The following ZNF385A variants were observed in gnomAD, a reference collection of about 807,000 sequenced individuals.
ZNF385A encodes the protein hematopoietic zinc finger protein.
Under a neutral mutation model 32.1 loss-of-function variants are expected in ZNF385A, and 14 were observed. The ratio of observed to expected loss-of-function variants is 0.44; its 90% CI spans 0.29 to 0.68. The LOEUF (loss-of-function observed/expected upper bound fraction) is 0.68, where lower values mean the gene tolerates loss of function less well. Among genes scored for constraint, ZNF385A ranks in the 30% least tolerant of loss-of-function variants. The probability of loss-of-function intolerance (pLI) is 0.14; values close to 1 mark genes in which losing one functional copy is unlikely to be tolerated. For missense variants in ZNF385A, 406 were observed against 478.4 expected, an observed-to-expected ratio of 0.85 and a Z score of 1.41; for synonymous variants, 197 against 202.7, an observed-to-expected ratio of 0.97 and a Z score of 0.24.
At chr12:54,377,326 C>T (rs944485812) in intron 1 of ZNF385A, among the ~76,000 whole-genome samples, 4 of 152,194 alleles carry the variant, frequency 2.6e-5, no homozygotes, top group African/African-American at 9.7e-5. Context: ...GTGTCAATCT[C>T]TTGGCCTACT....
chr12:54,376,487 AAC>A (rs1375497534), intron 1 of ZNF385A, among the ~76,000 whole-genome samples: 2 of 152,150 alleles, frequency 1.3e-5, no homozygotes, highest in Non-Finnish European at 2.9e-5. Flanking sequence ...TGGTCGCCCT[AAC>A]ACACACACTC....
intron 1 of ZNF385A, among the ~76,000 whole-genome samples, chr12:54,383,340 C>T (rs1462671010): frequency 1.3e-5 from 2 of 152,122 alleles, no homozygotes; most frequent in Admixed American, 1.3e-4. Flanking sequence ...CATGCCTTCT[C>T]TTCTCCCCCA....
upstream of ZNF385A, among the ~76,000 whole-genome samples, chr12:54,389,507 T>C (rs1301032563): frequency 1.3e-5 from 2 of 152,216 alleles, no homozygotes; most frequent in Non-Finnish European, 2.9e-5. Flanking sequence ...AGGGTACCAC[T>C]TGTGGCTGTG....
chr12:54,378,932 GGGGATGGGCC>G (rs2137237783), intron 1 of ZNF385A: 1 of 460,034 alleles, frequency 2.2e-6, no homozygotes, highest in Non-Finnish European at 2.9e-6. Flanking sequence ...CGCCGATGTG[GGGGATGGGCC>G]GGACAGCCCG....
At chr12:54,380,698 T>C (rs1368347835) in intron 1 of ZNF385A, among the ~76,000 whole-genome samples, 1 of 152,224 alleles carries the variant, frequency 6.6e-6, no homozygotes, top group Non-Finnish European at 1.5e-5. Flanking sequence ...GCTAAGGCCT[T>C]GACCATCCTA....
At chr12:54,375,067 A>AGT (rs35300449) in intron 2 of ZNF385A, among the ~76,000 whole-genome samples, 87,271 of 150,374 alleles carry the variant, frequency 0.58, 28,002 homozygotes, top group Non-Finnish European at 0.76. Flanking sequence ...AGTAGTATGG[A>AGT]GTGTGTGTGT....
intron 1 of ZNF385A, among the ~76,000 whole-genome samples, chr12:54,381,609 G>A (rs1359379194): frequency 6.6e-6 from 1 of 152,136 alleles, no homozygotes; most frequent in Admixed American, 6.5e-5. Context: ...TTTAGATGGG[G>A]GGAGGTTTTC....
chr12:54,371,594 T>C lies in ZNF385A; in HGVS notation c.483A>G (p.Pro161=). The change falls in exon 4 of 7, where the codon CCA becomes CCG. Residue 161 remains proline, a synonymous_variant. Transcript: ENST00000394313. ...QGVTKGEGGT[P]APASLPGGSK... is the part of the protein sequence containing the mutation. Reference sequence around the variant, plus strand: ...TACCCCCAGGCAAGGAAGCCGGGGCTGGAGTCCCCCCTTCACCCTTGGTTA... The same window carrying C: ...TACCCCCAGGCAAGGAAGCCGGGGCCGGAGTCCCCCCTTCACCCTTGGTTA... 6.2e-7 allele frequency: 1 copy of C among 1,613,644 alleles called. No individual in the cohort carries two copies. Among genetic ancestry groups the C allele is most frequent in the Non-Finnish European group, 8.5e-7 (1 of 1,179,794 alleles).
At chr12:54,379,278 C>CAGGGACAGGGAA in intron 1 of ZNF385A, 1 of 650,152 alleles carries the variant, frequency 1.5e-6, no homozygotes, top group Non-Finnish European at 1.9e-6. Context: ...GGGGCGGGGA[C>CAGGGACAGGGAA]AGGGACAGGG....
At chr12:54,373,828 C>T (rs1005219294) in intron 3 of ZNF385A, 145 bp downstream of exon 3, 135 of 810,234 alleles carry the variant, frequency 1.7e-4, no homozygotes, top group Non-Finnish European at 7.4e-5. Context: ...CATCACTGTG[C>T]CTGGCTCCAG....
intron 1 of ZNF385A, among the ~76,000 whole-genome samples, chr12:54,378,358 G>C (rs1954951363): frequency 6.6e-6 from 1 of 152,108 alleles, no homozygotes; most frequent in South Asian, 2.1e-4. Flanking sequence ...TTCTTCCCTG[G>C]GATGCTGGCT....
chr12:54,371,947 G>C (rs1025893089), intron 3 of ZNF385A, among the ~76,000 whole-genome samples: 2 of 152,212 alleles, frequency 1.3e-5, no homozygotes, highest in African/African-American at 2.4e-5. Flanking sequence ...AATGGCCAAG[G>C]GGTCCAGCCT....
chr12:54,372,561 T>A (rs373150856), intron 3 of ZNF385A, among the ~76,000 whole-genome samples: 1 of 152,236 alleles, frequency 6.6e-6, no homozygotes. Flanking sequence ...GCACGGCAGG[T>A]ATAGTTATCC....
chr12:54,382,002 C>CGGTAA (rs1955206393), intron 1 of ZNF385A, among the ~76,000 whole-genome samples: 1 of 152,048 alleles, frequency 6.6e-6, no homozygotes, highest in African/African-American at 2.4e-5. Flanking sequence ...GTCCCGTGTC[C>CGGTAA]CTGACACCAG....
chr12:54,371,947 G>A (rs1025893089), intron 3 of ZNF385A, among the ~76,000 whole-genome samples: 1 of 152,330 alleles, frequency 6.6e-6, no homozygotes, highest in Non-Finnish European at 1.5e-5. Context: ...AATGGCCAAG[G>A]GGTCCAGCCT....
chr12:54,382,265 G>A (rs1200837625), intron 1 of ZNF385A, among the ~76,000 whole-genome samples: 3 of 151,434 alleles, frequency 2.0e-5, no homozygotes, highest in Non-Finnish European at 2.9e-5. Context: ...TAGTAGAGAC[G>A]GGGTTTCACC....
upstream of ZNF385A, among the ~76,000 whole-genome samples, chr12:54,388,560 G>A (rs1370266740): frequency 6.6e-6 from 1 of 152,246 alleles, no homozygotes; most frequent in Non-Finnish European, 1.5e-5. Flanking sequence ...CTGTGGGTTA[G>A]TGTTGGTTGG....
At position 54,370,883 on chromosome 12, in the gene ZNF385A, C is replaced by A; in HGVS notation, c.774+44G>T. The stretch of plus-strand genomic sequence containing the variant: ...CTCCTTGCTCCCCTTCCCCACTTAG[C>A]GGGTGGAGCGTCCCAGAATTCCTGG... On this transcript the variant is annotated intron_variant, in intron 5 of 6. Transcript: ENST00000394313. The surrounding 1 kb of genome is among the most constrained non-coding windows in gnomAD (Gnocchi z 5.5). 6.2e-7 allele frequency: 1 copy of A among 1,613,176 alleles called. No homozygotes were observed. The highest frequency in any genetic ancestry group is 8.5e-7 in the Non-Finnish European group (1 of 1,179,406).
At position 54,370,452 on chromosome 12, in the gene ZNF385A, G is replaced by A. The variant is rs752413457; in HGVS notation, c.905C>T (p.Ser302Phe). The part of the protein sequence containing the change: ...TLTFSKELPK[S>F]LAGGLLPSPL... ...GCTGGGGAGCAGGCCGCCCGCCAGG[G>A]ACTTGGGCAGCTCCTTGGAGAAAGT... is the stretch of plus-strand genomic sequence containing the variant. The change falls in exon 7 of 7, where the codon TCC becomes TTC. Residue 302 changes from serine (S) to phenylalanine (F), a missense_variant. Transcript: ENST00000394313. This position sits in a 1 kb window ranked among gnomAD's most constrained non-coding sequence, Gnocchi z 5.5. The A allele has an allele frequency of 2.6e-6, 4 of 1,551,154 alleles. No individual in the cohort carries two copies. The South Asian group carries it at 3.6e-5, about 14-fold the overall frequency.
Sources: allele counts gnomAD v4.1 joint callset (sites outside exome capture counted in the v4.1 genomes callset), GRCh38; gene constraint gnomAD v4.1.1; non-coding constraint Gnocchi (gnomAD v3.1); transcripts MANE v1.5; gene names NCBI Gene and HGNC (gene_info 2026-07-23, HGNC 2026-07-21).